LRMDA: variants seen among roughly 807,000 people sequenced by gnomAD.
LRMDA encodes the protein leucine-rich melanocyte differentiation-associated protein.
A neutral mutation model predicts 29.8 loss-of-function variants in LRMDA; 18 were observed. The observed-to-expected ratio is 0.60, with a 90% CI of 0.42 to 0.90. The LOEUF (loss-of-function observed/expected upper bound fraction) is 0.90, where lower values mean the gene tolerates loss of function less well. Among genes scored for constraint, LRMDA ranks in the 40% least tolerant of loss-of-function variants. The pLI is 0.00. For missense variants in LRMDA, 273 were observed against 273.9 expected, an observed-to-expected ratio of 1.00 and a Z score of 0.02; for synonymous variants, 125 against 109.4, an observed-to-expected ratio of 1.14 and a Z score of -0.89.
At chr10:75,707,623 G>C (rs1017976872) in intron 2 of LRMDA, among the ~76,000 whole-genome samples, 6 of 152,176 alleles carry the variant, frequency 3.9e-5, no homozygotes, top group African/African-American at 1.4e-4. Context: ...TCTCCCCTTT[G>C]AGGCTGCGAG....
chr10:76,287,361 T>C (rs939828508), intron 5 of LRMDA, among the ~76,000 whole-genome samples: 2 of 152,110 alleles, frequency 1.3e-5, no homozygotes. Flanking sequence ...CCACTCTAGA[T>C]TCCACAAAGA....
intron 2 of LRMDA, among the ~76,000 whole-genome samples, chr10:75,770,463 T>C (rs892436090): frequency 3.8e-4 from 58 of 152,228 alleles, no homozygotes; most frequent in African/African-American, 1.4e-3. Flanking sequence ...AAGTTGTATA[T>C]GCACACAGTT....
intron 2 of LRMDA, among the ~76,000 whole-genome samples, chr10:75,985,942 T>C (rs1323080): frequency 0.67 from 102,177 of 152,094 alleles, 34,351 homozygotes; most frequent in South Asian, 0.73. Flanking sequence ...GACTGGATGA[T>C]AAAGCCAACA....
intron 5 of LRMDA, among the ~76,000 whole-genome samples, chr10:76,121,910 A>G (rs1382656141): frequency 6.6e-6 from 1 of 152,192 alleles, no homozygotes; most frequent in Admixed American, 6.5e-5. Context: ...AAGACCTGGT[A>G]TGTGCCAGGT....
chr10:76,165,675 G>T (rs1216261249), intron 5 of LRMDA, among the ~76,000 whole-genome samples: 1 of 152,182 alleles, frequency 6.6e-6, no homozygotes, highest in Middle Eastern at 3.2e-3. Context: ...TTCTTCACAT[G>T]GCAGCAGGAG....
At chr10:76,099,948 G>A (rs1003403617) in intron 5 of LRMDA, among the ~76,000 whole-genome samples, 2 of 152,116 alleles carry the variant, frequency 1.3e-5, no homozygotes, top group African/African-American at 4.8e-5. Context: ...ATGTTAATTA[G>A]GTCAGGTTGG....
At chr10:76,542,850 T>C (rs1205007798) in intron 6 of LRMDA, among the ~76,000 whole-genome samples, 3 of 152,212 alleles carry the variant, frequency 2.0e-5, no homozygotes, top group African/African-American at 7.2e-5. Flanking sequence ...TTAAACCCAC[T>C]TCAGCTCACT....
chr10:76,502,866 A>G (rs376797422), intron 6 of LRMDA, among the ~76,000 whole-genome samples: 37 of 151,610 alleles, frequency 2.4e-4, no homozygotes, highest in African/African-American at 8.9e-4. Flanking sequence ...TTCTTTGCCT[A>G]TTTGGATGCC....
intron 6 of LRMDA, among the ~76,000 whole-genome samples, chr10:76,381,808 A>G (rs74148463): frequency 0.021 from 3,241 of 152,262 alleles, 130 homozygotes; most frequent in African/African-American, 0.072. Flanking sequence ...TTGTCCTGTG[A>G]AGTCTCATCT....
At chr10:75,533,460 G>A (rs1845502468) in intron 2 of LRMDA, among the ~76,000 whole-genome samples, 2 of 152,208 alleles carry the variant, frequency 1.3e-5, no homozygotes, top group African/African-American at 4.8e-5. Context: ...ATCCTGGGTG[G>A]AAATTTTGAG....
At chr10:76,272,896 A>C (rs779721040) in intron 5 of LRMDA, among the ~76,000 whole-genome samples, 45 of 152,308 alleles carry the variant, frequency 3.0e-4, no homozygotes, top group Non-Finnish European at 5.3e-4. Context: ...GAACTCACTC[A>C]CTATCATGAG....
intron 2 of LRMDA, among the ~76,000 whole-genome samples, chr10:75,575,223 T>C (rs1437686554): frequency 1.3e-5 from 2 of 152,202 alleles, no homozygotes; most frequent in South Asian, 2.1e-4. Context: ...TCATGAGATA[T>C]TGGGTGGGGA....
intron 2 of LRMDA, among the ~76,000 whole-genome samples, chr10:75,827,343 T>G (rs542535624): frequency 2.8e-4 from 43 of 152,298 alleles, no homozygotes; most frequent in Non-Finnish European, 3.4e-4. Context: ...GTTGTTGAAG[T>G]GGGTGTGTCA....
chr10:76,516,339 T>A lies in LRMDA; in HGVS notation c.602-40870T>A, dbSNP rs187167065. ...AACAGAGAAAGCAATAAGTTTTTTT[T>A]AAAATTATTTTATTATTATTATACT... On this transcript the variant is annotated intron_variant, in intron 6 of 6. Transcript: ENST00000611255. Among the ~76,000 whole-genome samples the A allele has an allele frequency of 3.9e-3, 524 of 132,682 alleles. 3 individuals are homozygous for A. Among genetic ancestry groups the A allele is most frequent in the South Asian group, 0.013 (53 of 4,224 alleles). 87.0% of individuals were successfully genotyped at this position (132,682 alleles called of 152,430 possible).
chr10:75,737,103 GCACA>G (rs1206021203), intron 2 of LRMDA, among the ~76,000 whole-genome samples: 1 of 151,480 alleles, frequency 6.6e-6, no homozygotes, highest in African/African-American at 2.4e-5. Flanking sequence ...ACACACACAT[GCACA>G]CGCACGCACA....
intron 2 of LRMDA, among the ~76,000 whole-genome samples, chr10:75,801,871 G>T (rs1165759589): frequency 2.6e-5 from 4 of 152,224 alleles, no homozygotes; most frequent in Non-Finnish European, 4.4e-5. Context: ...ACTGGTAAGA[G>T]ATGATGATGA....
At chr10:75,881,974 G>T (rs1279163367) in intron 2 of LRMDA, among the ~76,000 whole-genome samples, 1 of 152,222 alleles carries the variant, frequency 6.6e-6, no homozygotes, top group Admixed American at 6.5e-5. Context: ...TTGTTTGACC[G>T]ATGGAGGTCT....
chr10:75,599,929 C>T (rs1206450462), intron 2 of LRMDA, among the ~76,000 whole-genome samples: 1 of 152,116 alleles, frequency 6.6e-6, no homozygotes, highest in African/African-American at 2.4e-5. Context: ...CACTGCAAGC[C>T]CTTCCTGGTG....
At chr10:75,696,038 T>G (rs1458064464) in intron 2 of LRMDA, among the ~76,000 whole-genome samples, 1 of 151,990 alleles carries the variant, frequency 6.6e-6, no homozygotes, top group Non-Finnish European at 1.5e-5. Context: ...AAGATAAGAT[T>G]AAAAAAATTA....
Sources: gnomAD v4.1 joint callset for allele counts (sites outside exome capture counted in the v4.1 genomes callset) on GRCh38, gnomAD v4.1.1 for gene constraint, MANE v1.5 for transcripts, NCBI Gene and HGNC (gene_info 2026-07-23, HGNC 2026-07-21) for gene names.